Variants in MLIP observed in about 807,000 individuals in gnomAD.
MLIP encodes muscular LMNA interacting protein.
A neutral mutation model predicts 84.8 loss-of-function variants in MLIP; 79 were observed. The ratio of observed to expected loss-of-function variants is 0.93; its 90% CI spans 0.78 to 1.12. The LOEUF is 1.12. Among genes scored for constraint, MLIP ranks in the 50% most tolerant of loss-of-function variants. The pLI, the probability that MLIP is intolerant of heterozygous loss-of-function variation, is 0.00. For synonymous variants in MLIP, 504 were observed against 463.0 expected, an observed-to-expected ratio of 1.09 and a Z score of -1.14; for missense variants, 1,257 against 1,160.6, an observed-to-expected ratio of 1.08 and a Z score of -1.21.
At chr6:54,033,059 T>C (rs899649224) in intron 1 of MLIP, among the ~76,000 whole-genome samples, 1 of 152,172 alleles carries the variant, frequency 6.6e-6, no homozygotes, top group South Asian at 2.1e-4. Flanking sequence ...TTTAATTAAA[T>C]TTTTTAATGT....
At chr6:54,196,059 A>C (rs528769582) in intron 10 of MLIP, among the ~76,000 whole-genome samples, 4 of 152,144 alleles carry the variant, frequency 2.6e-5, no homozygotes, top group African/African-American at 9.7e-5. Flanking sequence ...CTCATCCTCT[A>C]TTGGAAAAAT....
chr6:54,186,120 T>C (rs564019664), intron 9 of MLIP, among the ~76,000 whole-genome samples: 2 of 152,326 alleles, frequency 1.3e-5, no homozygotes, highest in Non-Finnish European at 2.9e-5. Context: ...AGCCTCATCA[T>C]TGTTTGGTGA....
intron 13 of MLIP, among the ~76,000 whole-genome samples, chr6:54,260,568 A>G (rs946322713): frequency 8.6e-5 from 13 of 151,998 alleles, no homozygotes; most frequent in African/African-American, 3.1e-4. Context: ...TAAATCCATC[A>G]TTCAACCCTG....
chr6:54,186,250 G>T (rs1318948055), intron 9 of MLIP, among the ~76,000 whole-genome samples: 1 of 152,096 alleles, frequency 6.6e-6, no homozygotes, highest in African/African-American at 2.4e-5. Context: ...TGAAATATTT[G>T]CAATTTCAAA....
intron 12 of MLIP, among the ~76,000 whole-genome samples, chr6:54,247,859 G>A (rs547960165): frequency 1.8e-4 from 28 of 152,122 alleles, no homozygotes; most frequent in Admixed American, 5.2e-4. Flanking sequence ...GATCTGGTAC[G>A]GGGTCTAAGG....
intron 1 of MLIP, among the ~76,000 whole-genome samples, chr6:54,114,561 C>T (rs1769745161): frequency 6.6e-6 from 1 of 152,190 alleles, no homozygotes. Context: ...GTTCTTACCA[C>T]TATTACTGCA....
At chr6:54,239,370 A>ATATATATAT (rs562834906) in intron 12 of MLIP, among the ~76,000 whole-genome samples, 2 of 143,332 alleles carry the variant, frequency 1.4e-5, no homozygotes, top group Admixed American at 6.9e-5. Context: ...TATATATAAT[A>ATATATATAT]TATATATATA....
intron 9 of MLIP, among the ~76,000 whole-genome samples, chr6:54,174,447 G>T (rs1011185363): frequency 1.3e-5 from 2 of 151,976 alleles, no homozygotes; most frequent in Non-Finnish European, 2.9e-5. Flanking sequence ...CATTTTAACT[G>T]GGGTGAGATA....
chr6:54,134,991 A>G (rs556108379), intron 3 of MLIP, among the ~76,000 whole-genome samples: 2 of 152,148 alleles, frequency 1.3e-5, no homozygotes, highest in Admixed American at 6.6e-5. Flanking sequence ...TGGTAAAAAA[A>G]AAAATTCCCT....
rs748901376 is a variant in MLIP, at chr6:54,189,853, A to G, written c.2545-17A>G. ...ATTATGAGTTTCACTAATAAATGCC[A>G]TGTTTATGTTTTGCAGGCAAATCTC... On this transcript the variant is annotated splice_polypyrimidine_tract_variant and intron_variant, in intron 9 of 13. Coordinates refer to ENST00000502396, the MANE Select transcript of MLIP (RefSeq NM_001281747.2). The G allele has an allele frequency of 1.2e-5, 19 of 1,571,848 alleles. No homozygotes were observed. The Admixed American group carries it at 2.9e-4, about 24-fold the overall frequency.
intron 11 of MLIP, among the ~76,000 whole-genome samples, chr6:54,204,821 C>A (rs568243056): frequency 6.6e-6 from 1 of 152,258 alleles, no homozygotes; most frequent in South Asian, 2.1e-4. Flanking sequence ...ACCTATTTTG[C>A]AAATCTTAAG....
chr6:54,215,978 T>A (rs1395219171), intron 11 of MLIP: 4 of 204,002 alleles, frequency 2.0e-5, no homozygotes, highest in Non-Finnish European at 3.5e-5. Context: ...TTGGAATTCA[T>A]TCATGTTATT....
intron 11 of MLIP, among the ~76,000 whole-genome samples, chr6:54,224,670 G>A (rs1780454816): frequency 6.6e-6 from 1 of 151,990 alleles, no homozygotes; most frequent in South Asian, 2.1e-4. Context: ...GTGAGACCCT[G>A]GTTCTCCCAT....
chr6:54,244,764 CA>C (rs1450001752), intron 12 of MLIP, among the ~76,000 whole-genome samples: 2 of 152,098 alleles, frequency 1.3e-5, no homozygotes, highest in African/African-American at 4.8e-5. Context: ...TGAGAACAAT[CA>C]ATTTCTTTTT....
At chr6:54,097,271 C>T (rs1021611267) in intron 1 of MLIP, among the ~76,000 whole-genome samples, 5 of 152,162 alleles carry the variant, frequency 3.3e-5, no homozygotes, top group Admixed American at 3.3e-4. Flanking sequence ...TCATCAGGAT[C>T]TAAGATGGCT....
chr6:54,215,091 T>C, intron 11 of MLIP: 1 of 1,389,680 alleles, frequency 7.2e-7, no homozygotes, highest in Non-Finnish European at 9.9e-7. Context: ...TGTAACCTTT[T>C]CTACACGCTG....
rs1221272995 is a variant in MLIP at position 54,065,933 on chromosome 6, C to T, written c.63+46842C>T. On this transcript the variant is annotated intron_variant, in intron 1 of 12. Transcript: ENST00000274897. The stretch of plus-strand genomic sequence containing the variant: ...TTGATAAACTCTTCCAGTTTTCATA[C>T]ATAATAAATTATATGTATATACATC... Among the ~76,000 whole-genome samples, 4 of 99,122 alleles carry T rather than the reference C, an allele frequency of 4.0e-5. 1 individual carries two copies. The highest frequency in any genetic ancestry group is 1.0e-4 in the African/African-American group (4 of 38,940). 65.0% of individuals were successfully genotyped at this position (99,122 alleles called of 152,430 possible). A position where few individuals can be genotyped will look rare whatever the true frequency, so the allele number is the denominator to read the frequency against.
At chr6:54,071,403 G>T (rs141831001) in intron 1 of MLIP, among the ~76,000 whole-genome samples, 152 of 152,022 alleles carry the variant, frequency 1.0e-3, no homozygotes, top group African/African-American at 3.4e-3. Context: ...ACTTCCTAAA[G>T]AATAATTATT....
At chr6:54,213,291 AACTGTAAGATC>A (rs1779589016) in intron 11 of MLIP, among the ~76,000 whole-genome samples, 1 of 152,242 alleles carries the variant, frequency 6.6e-6, no homozygotes, top group African/African-American at 2.4e-5. Flanking sequence ...GTATATTAAA[AACTGTAAGATC>A]ACTTAAAAAT....
Sources: gnomAD v4.1 joint callset for allele counts (sites outside exome capture counted in the v4.1 genomes callset) on GRCh38, gnomAD v4.1.1 for gene constraint, MANE v1.5 for transcripts, NCBI Gene and HGNC (gene_info 2026-07-23, HGNC 2026-07-21) for gene names.